The following PCDHGA6 variants were observed in gnomAD, a reference collection of about 807,000 sequenced individuals.
The protein encoded by PCDHGA6 is protocadherin gamma-A6.
A neutral mutation model predicts 60.6 loss-of-function variants in PCDHGA6; 41 were observed. That is an observed-to-expected ratio of 0.68 (90% CI 0.53 to 0.88). The LOEUF (loss-of-function observed/expected upper bound fraction) is 0.88, where lower values mean the gene tolerates loss of function less well. Ranked by LOEUF, PCDHGA6 falls within the 40% of genes least tolerant of loss-of-function variation. PCDHGA6 has a pLI of 0.00. For synonymous variants in PCDHGA6, 594 were observed against 524.4 expected, an observed-to-expected ratio of 1.13 and a Z score of -1.81; for missense variants, 1,312 against 1,203.0, an observed-to-expected ratio of 1.09 and a Z score of -1.34.
intron 1 of PCDHGA6, chr5:141,413,526 G>T: frequency 6.2e-7 from 1 of 1,613,936 alleles, no homozygotes; most frequent in Non-Finnish European, 8.5e-7. Context: ...TGGAAGACAG[G>T]GTGAAACTTT....
rs530194567 is a variant in PCDHGA6, at chr5:141,417,884, C to G, written c.2424+41377C>G. On this transcript the variant is annotated intron_variant, in intron 1 of 3. Transcript: ENST00000517434. ...GATGGGAGGGAGCTGCGCGCAGAGG[C>G]GCCGGGCCGGCCCGCGGCAGGTACT... 2.1e-4 allele frequency: 327 copies of G among 1,561,600 alleles called. No individual in the cohort carries two copies. In the South Asian group the frequency reaches 3.4e-3, roughly 16 times the overall value.
At chr5:141,428,008 T>C (rs2097099623) in intron 1 of PCDHGA6, 4 of 1,601,848 alleles carry the variant, frequency 2.5e-6, no homozygotes, top group Admixed American at 3.3e-5. Context: ...CTCTTCGATA[T>C]AGTGCCACGC....
chr5:141,489,060 TC>T lies in PCDHGA6; in HGVS notation c.2425-5741del, dbSNP rs1037208652. 41 of 300,146 alleles carry T rather than the reference TC, an allele frequency of 1.4e-4. No individual in the cohort carries two copies. The highest frequency in any genetic ancestry group is 2.3e-4 in the Non-Finnish European group (38 of 162,914). The allele number at this position is 300,146 out of a possible 1,614,324, so 18.6% of individuals were successfully genotyped here. A position where few individuals can be genotyped will look rare whatever the true frequency, so the allele number is the denominator to read the frequency against. On this transcript the variant is annotated intron_variant, in intron 1 of 3. Coordinates refer to ENST00000517434, the MANE Select transcript of PCDHGA6 (RefSeq NM_018919.3). This position sits in a 1 kb window ranked among gnomAD's most constrained non-coding sequence, Gnocchi z 4.5. ...CAGCTCCACTCAAATTCAGCTCCCC[TC>T]CCCCCTGCCCACCCCCGCCACTCGG...
At chr5:141,418,549 C>A in intron 1 of PCDHGA6, 1 of 1,614,024 alleles carries the variant, frequency 6.2e-7, no homozygotes, top group Non-Finnish European at 8.5e-7. Context: ...AGATAAGAAT[C>A]CTGGTAATAG....
chr5:141,399,753 G>T (rs1418820057), intron 1 of PCDHGA6: 8 of 1,613,370 alleles, frequency 5.0e-6, no homozygotes, highest in Non-Finnish European at 6.8e-6. Context: ...GCGCAAACGT[G>T]AGCCTGCGCG....
At position 141,431,280 on chromosome 5, in the gene PCDHGA6, C is replaced by G; in HGVS notation, c.2424+54773C>G. ...TCTCTGCAGAGCTACGAGCTCAGCC[C>G]GAACACTCACTTCTCCCTCATCGTG... On this transcript the variant is annotated intron_variant, in intron 1 of 3. Transcript: ENST00000517434. This position sits in a 1 kb window ranked among gnomAD's most constrained non-coding sequence, Gnocchi z 4.8. The G allele has an allele frequency of 6.2e-7, 1 of 1,614,146 alleles. No homozygotes were observed. The highest frequency in any genetic ancestry group is 8.5e-7 in the Non-Finnish European group (1 of 1,180,040).
Position 141,385,070 on chromosome 5 carries a change from T to C in PCDHGA6, c.2424+8563T>C, listed in dbSNP as rs766950021. 28 of 1,614,094 alleles carry C rather than the reference T, an allele frequency of 1.7e-5. No individual in the cohort carries two copies. In the South Asian group the frequency reaches 3.0e-4, roughly 17 times the overall value. ...CTGCGGCGCTGGCACAAGTCACGCC[T>C]GCTGCAGGCTTCAGAAGGTGGCTTG... On this transcript the variant is annotated intron_variant, in intron 1 of 3. Coordinates refer to ENST00000517434, the MANE Select transcript of PCDHGA6 (RefSeq NM_018919.3).
intron 2 of PCDHGA6, among the ~76,000 whole-genome samples, chr5:141,500,877 A>AT (rs369345007): frequency 0.053 from 6,532 of 122,188 alleles, 326 homozygotes; most frequent in Admixed American, 0.19. Context: ...TTCATTTACA[A>AT]TTTTTTTTTT....
At position 141,431,566 on chromosome 5, in the gene PCDHGA6, T is replaced by G; in HGVS notation, c.2424+55059T>G. ...TGCTTGTAGTCAACGCTACCGACCCTGACGAAGGAGTCAATGCGGAAGTGA... is the reference window on the plus strand; with the variant it reads ...TGCTTGTAGTCAACGCTACCGACCCGGACGAAGGAGTCAATGCGGAAGTGA... On this transcript the variant is annotated intron_variant, in intron 1 of 3. Transcript: ENST00000517434. This position sits in a 1 kb window ranked among gnomAD's most constrained non-coding sequence, Gnocchi z 4.8. 6.2e-7 allele frequency: 1 copy of G among 1,614,128 alleles called. No homozygotes were observed. The highest frequency in any genetic ancestry group is 1.1e-5 in the South Asian group (1 of 91,088).
chr5:141,392,548 T>C (rs1252345592), intron 1 of PCDHGA6: 1 of 344,860 alleles, frequency 2.9e-6, no homozygotes, highest in African/African-American at 2.1e-5. Context: ...AAGTAATCTG[T>C]ATCTCAGTGC....
Position 141,376,285 on chromosome 5 carries a change from C to A in PCDHGA6, c.2202C>A (p.Ser734Arg). The A allele has an allele frequency of 1.2e-6, 2 of 1,614,230 alleles. No homozygotes were observed. The highest frequency in any genetic ancestry group is 1.7e-6 in the Non-Finnish European group (2 of 1,180,038). Residue 734 changes from serine (S) to arginine (R), a missense_variant, in exon 1 of 4, where the codon AGC (serine) becomes AGA (arginine). By Grantham distance (110) the Ser-to-Arg change is moderately radical (BLOSUM62 -1). Transcript: ENST00000517434. ...AGGCTTCGGGAGGTGGCTTAGCGAG[C>A]ATGCCCGGCTCGCACTTTGTGGGCG... ...LLQASGGGLA[S>R]MPGSHFVGVE...
At chr5:141,415,647 A>C in intron 1 of PCDHGA6, 2 of 1,599,602 alleles carry the variant, frequency 1.3e-6, no homozygotes, top group Non-Finnish European at 1.7e-6. Context: ...TTGTTAAAAA[A>C]AAAAAGATTG....
Position 141,387,738 on chromosome 5 carries a change from A to G in PCDHGA6, c.2424+11231A>G, listed in dbSNP as rs972177545. On this transcript the variant is annotated intron_variant, in intron 1 of 3. Transcript: ENST00000517434. ...CAGACTCCCCAGCGCCAGCCTTTAC[A>G]CCGCTTCCTCCTCGGAAAAAGAAGA... 7 of 1,322,274 alleles carry G rather than the reference A, an allele frequency of 5.3e-6. No individual in the cohort carries two copies. The Admixed American group carries it at 1.1e-4, about 21-fold the overall frequency. 81.9% of individuals were successfully genotyped at this position (1,322,274 alleles called of 1,614,324 possible).
chr5:141,470,627 G>A (rs977900352), intron 1 of PCDHGA6, among the ~76,000 whole-genome samples: 3 of 152,154 alleles, frequency 2.0e-5, no homozygotes, highest in Non-Finnish European at 2.9e-5. Flanking sequence ...TGCTTAGATA[G>A]GCCCCCTTGC....
chr5:141,415,101 C>T, intron 1 of PCDHGA6: 1 of 1,613,550 alleles, frequency 6.2e-7, no homozygotes, highest in South Asian at 1.1e-5. Context: ...GAGACGCGCT[C>T]AAGCAAAGCC....
At chr5:141,460,502 G>A (rs1300155108) in intron 1 of PCDHGA6, among the ~76,000 whole-genome samples, 1 of 152,094 alleles carries the variant, frequency 6.6e-6, no homozygotes, top group Non-Finnish European at 1.5e-5. Flanking sequence ...AAAATATGCT[G>A]AGAAGGCTAT....
chr5:141,423,139 G>A (rs2096713828), intron 1 of PCDHGA6: 2 of 1,613,616 alleles, frequency 1.2e-6, no homozygotes, highest in Middle Eastern at 1.7e-4. Flanking sequence ...GGACAGAGAC[G>A]CGCTCAAGCA....
At chr5:141,423,415 G>A (rs779262475) in intron 1 of PCDHGA6, 103 of 1,614,016 alleles carry the variant, frequency 6.4e-5, no homozygotes, top group African/African-American at 1.2e-4. Context: ...GCAGGCTTCT[G>A]AAGGCGGGTT....
At chr5:141,393,542 T>A in intron 1 of PCDHGA6, 3 of 1,613,964 alleles carry the variant, frequency 1.9e-6, no homozygotes, top group Non-Finnish European at 2.5e-6. Flanking sequence ...CGGTTTTTCC[T>A]CACCCGATTT....
Sources: allele counts gnomAD v4.1 joint callset (sites outside exome capture counted in the v4.1 genomes callset), GRCh38; gene constraint gnomAD v4.1.1; non-coding constraint Gnocchi (gnomAD v3.1); transcripts MANE v1.5; gene names NCBI Gene and HGNC (gene_info 2026-07-23, HGNC 2026-07-21).